Variants in COL8A1 observed in about 807,000 individuals in gnomAD.
COL8A1 encodes the protein collagen alpha-1(VIII) chain.
In COL8A1, 21 loss-of-function variants were observed where a neutral mutation model predicts 42.7. That is an observed-to-expected ratio of 0.49 (90% CI 0.35 to 0.71). The LOEUF is 0.71. Ranked by LOEUF, COL8A1 falls within the 30% of genes least tolerant of loss-of-function variation. COL8A1 has a pLI of 0.01. For missense variants in COL8A1, 788 were observed against 962.4 expected, an observed-to-expected ratio of 0.82 and a Z score of 2.40; for synonymous variants, 367 against 369.1, an observed-to-expected ratio of 0.99 and a Z score of 0.06.
At chr3:99,648,189 G>C (rs979722589) in intron 1 of COL8A1, among the ~76,000 whole-genome samples, 5 of 152,120 alleles carry the variant, frequency 3.3e-5, no homozygotes, top group African/African-American at 7.2e-5. Flanking sequence ...GCCTCCACTC[G>C]TTAAGCAAAT....
intron 2 of COL8A1, among the ~76,000 whole-genome samples, chr3:99,781,292 C>T (rs1941789276): frequency 6.6e-6 from 1 of 152,062 alleles, no homozygotes; most frequent in Non-Finnish European, 1.5e-5. Context: ...TGAATGGTGT[C>T]TTTGTGTGTG....
rs142183515 is a variant in COL8A1 at position 99,766,232 on chromosome 3, C to T, written c.-4+21211C>T. 3.4e-3 allele frequency among the ~76,000 whole-genome samples: 522 copies of T among 152,268 alleles called. 2 individuals are homozygous for T. Among genetic ancestry groups the T allele is most frequent in the African/African-American group, 0.012 (490 of 41,558 alleles). On this transcript the variant is annotated intron_variant, in intron 2 of 3. Transcript: ENST00000652472. ...GGGATTATTATTCCCATTTTTCATG[C>T]TAAGATATGGCTGTGTATTCCCTAA...
intron 1 of COL8A1, among the ~76,000 whole-genome samples, chr3:99,717,306 C>T: frequency 6.6e-6 from 1 of 151,934 alleles, no homozygotes; most frequent in Non-Finnish European, 1.5e-5. Context: ...TGTAAAGTAA[C>T]TAACAAAGCA....
chr3:99,797,972 C>T lies in COL8A1; in HGVS notation c.*1836C>T, dbSNP rs1228044148. ...TATTAGCCTGCTGCTGACTCTATCACTTGGAGCAATAATGTGGGGTTATGG... is the reference window on the plus strand; with the variant it reads ...TATTAGCCTGCTGCTGACTCTATCATTTGGAGCAATAATGTGGGGTTATGG... On this transcript the variant is annotated 3_prime_UTR_variant, in exon 4 of 4. Coordinates refer to ENST00000652472, the MANE Select transcript of COL8A1 (RefSeq NM_020351.4). The T allele has an allele frequency of 1.3e-5, 2 of 152,184 alleles. No homozygotes were observed. Among genetic ancestry groups the T allele is most frequent in the African/African-American group, 2.4e-5 (1 of 41,434 alleles). 9.4% of individuals were successfully genotyped at this position (152,184 alleles called of 1,614,324 possible).
chr3:99,732,753 TAACTC>T (rs1223887669), intron 1 of COL8A1, among the ~76,000 whole-genome samples: 1 of 152,048 alleles, frequency 6.6e-6, no homozygotes, highest in Non-Finnish European at 1.5e-5. Context: ...CCCAAAGTCT[TAACTC>T]ATTCCAGCAG....
chr3:99,668,181 C>T (rs1195887729), intron 1 of COL8A1, among the ~76,000 whole-genome samples: 1 of 152,024 alleles, frequency 6.6e-6, no homozygotes, highest in Non-Finnish European at 1.5e-5. Flanking sequence ...TTTTTAAAAA[C>T]TGTCTGGCTA....
At chr3:99,651,276 T>C (rs1937837722) in intron 1 of COL8A1, among the ~76,000 whole-genome samples, 1 of 152,214 alleles carries the variant, frequency 6.6e-6, no homozygotes, top group Non-Finnish European at 1.5e-5. Context: ...CAGTCTTCAA[T>C]ATGACCATTT....
chr3:99,737,980 C>A (rs1240351085), intron 1 of COL8A1, among the ~76,000 whole-genome samples: 2 of 151,880 alleles, frequency 1.3e-5, no homozygotes, highest in Non-Finnish European at 2.9e-5. Context: ...TTCATTTCAT[C>A]TTCCATTGCT....
intron 1 of COL8A1, among the ~76,000 whole-genome samples, chr3:99,681,945 G>A (rs896202542): frequency 1.3e-5 from 2 of 152,196 alleles, no homozygotes; most frequent in South Asian, 2.1e-4. Context: ...ATGCAACCAG[G>A]GTGTTGGACT....
chr3:99,688,514 C>A (rs1478377331), intron 1 of COL8A1, among the ~76,000 whole-genome samples: 2 of 152,132 alleles, frequency 1.3e-5, no homozygotes, highest in Non-Finnish European at 2.9e-5. Flanking sequence ...CCCACCCAAG[C>A]AATCCAGGAT....
At chr3:99,729,621 G>C (rs1383879932) in intron 1 of COL8A1, among the ~76,000 whole-genome samples, 1 of 151,960 alleles carries the variant, frequency 6.6e-6, no homozygotes, top group Non-Finnish European at 1.5e-5. Context: ...TGTTAGTTCA[G>C]AATTGATCCT....
chr3:99,688,661 A>G (rs1939132476), intron 1 of COL8A1, among the ~76,000 whole-genome samples: 1 of 152,222 alleles, frequency 6.6e-6, no homozygotes, highest in Admixed American at 6.5e-5. Flanking sequence ...TCAGCATACC[A>G]CGGCTAGTTT....
intron 2 of COL8A1, among the ~76,000 whole-genome samples, chr3:99,782,171 C>T (rs1941804127): frequency 6.6e-6 from 1 of 151,890 alleles, no homozygotes; most frequent in Admixed American, 6.6e-5. Context: ...GTCCCTAAAC[C>T]ACGTTTCTTA....
chr3:99,751,461 C>T (rs181070108), intron 2 of COL8A1, among the ~76,000 whole-genome samples: 31 of 152,032 alleles, frequency 2.0e-4, no homozygotes, highest in South Asian at 1.5e-3. Flanking sequence ...GGGAGGCTGA[C>T]GCAGGGAGAA....
chr3:99,668,204 T>C (rs923331863), intron 1 of COL8A1, among the ~76,000 whole-genome samples: 3 of 152,122 alleles, frequency 2.0e-5, no homozygotes, highest in African/African-American at 7.2e-5. Context: ...ACAAAACAAA[T>C]GTTTCCTGTC....
chr3:99,662,443 A>G (rs1436514401), intron 1 of COL8A1, among the ~76,000 whole-genome samples: 3 of 152,122 alleles, frequency 2.0e-5, no homozygotes, highest in Non-Finnish European at 4.4e-5. Flanking sequence ...GATAGAGAAA[A>G]CATGCAAGTC....
chr3:99,725,380 G>T, intron 1 of COL8A1, among the ~76,000 whole-genome samples: 1 of 151,520 alleles, frequency 6.6e-6, no homozygotes, highest in South Asian at 2.1e-4. Flanking sequence ...AAAGTGTTTT[G>T]GCACAGAGCT....
Position 99,794,877 on chromosome 3 carries a change from C to T in COL8A1, c.976C>T (p.Gln326Ter). ...GCCAGGCCAGGATGGGATCCCAGGC[C>T]AGCCAGGATTTCCAGGTGGCAAAGG... is the stretch of plus-strand genomic sequence containing the variant. ...GKPGQDGIPG[Q>*]PGFPGGKGEQ... Residue 326 changes from glutamine (Q) to a stop codon, truncating the protein, a stop_gained, in exon 4 of 4, where the codon CAG (glutamine) becomes TAG (stop). Coordinates refer to ENST00000652472, the MANE Select transcript of COL8A1 (RefSeq NM_020351.4). LOFTEE classifies it high-confidence loss of function. This position sits in a 1 kb window ranked among gnomAD's most constrained non-coding sequence, Gnocchi z 4.3. 6.2e-7 allele frequency: 1 copy of T among 1,608,572 alleles called. No individual in the cohort carries two copies.
At chr3:99,655,039 AC>A (rs1559769139) in intron 1 of COL8A1, among the ~76,000 whole-genome samples, 1 of 152,302 alleles carries the variant, frequency 6.6e-6, no homozygotes, top group Non-Finnish European at 1.5e-5. Flanking sequence ...TTTCTACTGC[AC>A]CCATAGGTTG....
Sources: allele counts gnomAD v4.1 joint callset (sites outside exome capture counted in the v4.1 genomes callset), GRCh38; gene constraint gnomAD v4.1.1; non-coding constraint Gnocchi (gnomAD v3.1); transcripts MANE v1.5; gene names NCBI Gene and HGNC (gene_info 2026-07-23, HGNC 2026-07-21).